The following RGS6 variants were observed in gnomAD, a reference collection of about 807,000 sequenced individuals.
RGS6 encodes regulator of G protein signaling 6.
Under a neutral mutation model 78.5 loss-of-function variants are expected in RGS6, and 30 were observed. The ratio of observed to expected loss-of-function variants is 0.38; its 90% CI spans 0.29 to 0.52. The LOEUF is 0.52. RGS6 is among the 20% of genes least tolerant of loss of function. The pLI is 0.85. For synonymous variants in RGS6, 206 were observed against 206.0 expected, an observed-to-expected ratio of 1.00 and a Z score of 0.00; for missense variants, 495 against 609.7, an observed-to-expected ratio of 0.81 and a Z score of 1.98.
At chr14:72,591,516 G>A in the RGS6 span, among the ~76,000 whole-genome samples, 3 of 152,028 alleles carry the variant, frequency 2.0e-5, no homozygotes, top group East Asian at 1.9e-4. Context: ...ATGTCTCCGC[G>A]TGGTACCAGG....
At chr14:72,373,800 C>G (rs1333612579) in intron 3 of RGS6, among the ~76,000 whole-genome samples, 2 of 151,874 alleles carry the variant, frequency 1.3e-5, no homozygotes, top group Non-Finnish European at 2.9e-5. Context: ...CCCAAAAATT[C>G]AAGCAAAAAT....
intron 2 of RGS6, among the ~76,000 whole-genome samples, chr14:72,021,621 A>C (rs2088578642): frequency 6.6e-6 from 1 of 151,498 alleles, no homozygotes; most frequent in Non-Finnish European, 1.5e-5. Context: ...GGCGCCTGCC[A>C]CCACACCTGG....
intron 2 of RGS6, among the ~76,000 whole-genome samples, chr14:72,193,436 G>A (rs530634444): frequency 1.4e-4 from 21 of 152,190 alleles, no homozygotes; most frequent in Admixed American, 2.6e-4. Context: ...GCTTGAGCAC[G>A]ACCTCAGGAA....
chr14:72,449,959 G>A (rs925690106), intron 3 of RGS6, among the ~76,000 whole-genome samples: 1 of 152,202 alleles, frequency 6.6e-6, no homozygotes, highest in South Asian at 2.1e-4. Flanking sequence ...TGGCCTCAGA[G>A]GCCAGCTCTT....
At chr14:72,612,547 C>A in the RGS6 span, 1 of 516,320 alleles carries the variant, frequency 1.9e-6, no homozygotes, top group Non-Finnish European at 3.9e-6. Flanking sequence ...ACCTCCACCC[C>A]ACTCCTTAGC....
intron 17 of RGS6, chr14:72,541,133 G>T: frequency 7.3e-7 from 1 of 1,369,158 alleles, no homozygotes; most frequent in Non-Finnish European, 9.7e-7. Context: ...CAGGGAGCTG[G>T]CCACATTCCC....
intron 3 of RGS6, among the ~76,000 whole-genome samples, chr14:72,426,823 C>T (rs2153136784): frequency 6.6e-6 from 1 of 152,330 alleles, no homozygotes; most frequent in South Asian, 2.1e-4. Flanking sequence ...GGAATAATAT[C>T]TTGTGTCCCA....
intron 2 of RGS6, among the ~76,000 whole-genome samples, chr14:72,298,431 CTTTT>C (rs1201498031): frequency 4.8e-5 from 4 of 83,744 alleles, no homozygotes; most frequent in African/African-American, 4.6e-5. Context: ...CATTAATGTT[CTTTT>C]TTTTTTTTTT....
In RGS6 at chr14:72,550,662, G is replaced by C. The variant is rs932064894; in HGVS notation, c.1422+10568G>C. ...GCATCCATAATTCTAAATAATTAAA[G>C]GAGTCAATCAATCACTAGCCTTTGT... On this transcript the variant is annotated intron_variant, in intron 17 of 17. Coordinates refer to ENST00000553525, the MANE Select transcript of RGS6 (RefSeq NM_001204424.2). 6.1e-6 allele frequency: 9 copies of C among 1,484,226 alleles called. No individual in the cohort carries two copies. In the Admixed American group the frequency reaches 1.7e-4, roughly 28 times the overall value. 91.9% of individuals were successfully genotyped at this position (1,484,226 alleles called of 1,614,324 possible). A position where few individuals can be genotyped will look rare whatever the true frequency, so the allele number is the denominator to read the frequency against.
chr14:72,092,882 G>A (rs114208892), intron 2 of RGS6, among the ~76,000 whole-genome samples: 1,795 of 152,198 alleles, frequency 0.012, 35 homozygotes, highest in African/African-American at 0.04. Context: ...AAGTCCATAC[G>A]TTTTTCATTT....
intron 2 of RGS6, among the ~76,000 whole-genome samples, chr14:72,340,625 C>T (rs557567125): frequency 6.6e-6 from 1 of 152,174 alleles, no homozygotes; most frequent in Non-Finnish European, 1.5e-5. Context: ...TGATGACAGC[C>T]TCAGATGCAG....
intron 3 of RGS6, among the ~76,000 whole-genome samples, chr14:72,409,346 T>G (rs757898497): frequency 6.6e-6 from 1 of 152,076 alleles, no homozygotes; most frequent in Non-Finnish European, 1.5e-5. Context: ...AGAAAACATA[T>G]TTGATTTGTT....
At chr14:71,995,395 T>C (rs867628902) in intron 2 of RGS6, among the ~76,000 whole-genome samples, 1 of 152,198 alleles carries the variant, frequency 6.6e-6, no homozygotes, top group Admixed American at 6.5e-5. Flanking sequence ...CCTGTGGGCA[T>C]TGGAGCCTGG....
rs140657641 is a variant in RGS6 at position 72,458,293 on chromosome 14, C to G, written c.258C>G (p.Ser86Arg). ...EDPVEAIHLG[S>R]LIAAQGYIFP... The stretch of plus-strand genomic sequence containing the variant: ...CAGTTGAAGCAATACACTTGGGGAG[C>G]CTTATCGCTGCCCAGGGCTACATCT... The change falls in exon 5 of 18, where the codon AGC becomes AGG. Residue 86 changes from serine to arginine, a missense_variant. Transcript: ENST00000553525. The G allele has an allele frequency of 5.1e-5, 83 of 1,613,738 alleles. No homozygotes were observed. Among genetic ancestry groups the G allele is most frequent in the Non-Finnish European group, 6.5e-5 (77 of 1,179,750 alleles).
chr14:72,183,201 T>C (rs1185076645), intron 2 of RGS6, among the ~76,000 whole-genome samples: 3 of 152,232 alleles, frequency 2.0e-5, no homozygotes, highest in East Asian at 1.9e-4. Context: ...TTGCAAGATA[T>C]AAAGTATTCA....
chr14:72,309,176 C>T lies in RGS6; in HGVS notation c.85-42919C>T, dbSNP rs1490036444. 5.3e-5 allele frequency among the ~76,000 whole-genome samples: 8 copies of T among 152,304 alleles called. No individual in the cohort carries two copies. The East Asian group carries it at 1.5e-3, about 29-fold the overall frequency. On this transcript the variant is annotated intron_variant, in intron 2 of 17. Transcript: ENST00000553525. ...GGAACCGGAGCTGTTCTAGGGAAGC[C>T]TGTCATCAAGGCTGCCCTTTGCTCT... is the stretch of plus-strand genomic sequence containing the variant.
At chr14:72,367,029 G>T (rs1241050770) in intron 3 of RGS6, among the ~76,000 whole-genome samples, 1 of 152,130 alleles carries the variant, frequency 6.6e-6, no homozygotes, top group Non-Finnish European at 1.5e-5. Context: ...ACTTATTCTT[G>T]CAGTCAGGAA....
the RGS6 span, among the ~76,000 whole-genome samples, chr14:71,882,146 C>G: frequency 6.6e-6 from 1 of 152,196 alleles, no homozygotes; most frequent in South Asian, 2.1e-4. Flanking sequence ...TATTTTCTGT[C>G]TCTATGAATT....
At chr14:72,280,734 T>C (rs2061430634) in intron 2 of RGS6, among the ~76,000 whole-genome samples, 1 of 152,214 alleles carries the variant, frequency 6.6e-6, no homozygotes, top group Non-Finnish European at 1.5e-5. Flanking sequence ...TCCAGAGAGA[T>C]AGTTATTATT....
Sources: gnomAD v4.1 joint callset for allele counts (sites outside exome capture counted in the v4.1 genomes callset) on GRCh38, gnomAD v4.1.1 for gene constraint, MANE v1.5 for transcripts, NCBI Gene and HGNC (gene_info 2026-07-23, HGNC 2026-07-21) for gene names.